Variants in PPARGC1A observed in about 807,000 individuals in gnomAD.
PPARGC1A encodes the protein peroxisome proliferator-activated receptor gamma coactivator 1-alpha.
PPARGC1A carries 25 observed loss-of-function variants against 88.7 expected under a neutral mutation model. The ratio of observed to expected loss-of-function variants is 0.28; its 90% confidence interval spans 0.21 to 0.39. PPARGC1A has a LOEUF of 0.39. Ranked by LOEUF, PPARGC1A falls within the 10% of genes least tolerant of loss-of-function variation. PPARGC1A has a pLI of 1.00. For synonymous variants in PPARGC1A, 363 were observed against 355.6 expected, an observed-to-expected ratio of 1.02 and a Z score of -0.24; for missense variants, 880 against 968.7, an observed-to-expected ratio of 0.91 and a Z score of 1.22.
At chr4:23,965,173 A>G in the PPARGC1A span, among the ~76,000 whole-genome samples, 1 of 152,280 alleles carries the variant, frequency 6.6e-6, no homozygotes, top group Middle Eastern at 3.4e-3. Context: ...GTTCTTCTGT[A>G]TACTCCAGTT....
the PPARGC1A span, among the ~76,000 whole-genome samples, chr4:24,021,522 G>T: frequency 2.0e-5 from 3 of 149,566 alleles, no homozygotes; most frequent in Admixed American, 1.3e-4. Flanking sequence ...GTGGGGTAGG[G>T]AGGGTGAGAA....
At chr4:24,061,137 G>T in the PPARGC1A span, among the ~76,000 whole-genome samples, 1 of 152,112 alleles carries the variant, frequency 6.6e-6, no homozygotes, top group South Asian at 2.1e-4. Flanking sequence ...GGTCAATCTA[G>T]AGCCACCTCC....
the PPARGC1A span, among the ~76,000 whole-genome samples, chr4:24,380,812 G>A: frequency 6.6e-6 from 1 of 152,038 alleles, no homozygotes; most frequent in African/African-American, 2.4e-5. Flanking sequence ...ACTGGACAGT[G>A]GTGTCGTTAC....
chr4:24,326,751 G>T, the PPARGC1A span, among the ~76,000 whole-genome samples: 1 of 152,172 alleles, frequency 6.6e-6, no homozygotes, highest in African/African-American at 2.4e-5. Flanking sequence ...GGCATGTTTA[G>T]TGCGGTCAGA....
the PPARGC1A span, among the ~76,000 whole-genome samples, chr4:24,406,917 C>T: frequency 1.3e-5 from 2 of 152,206 alleles, no homozygotes; most frequent in Non-Finnish European, 2.9e-5. Flanking sequence ...GGGAATTGTT[C>T]CTGCTACCAG....
the PPARGC1A span, among the ~76,000 whole-genome samples, chr4:24,351,826 T>G: frequency 5.3e-5 from 8 of 151,092 alleles, no homozygotes; most frequent in Admixed American, 4.0e-4. Flanking sequence ...TGTTTTTTTG[T>G]TTTTTTTTAA....
the PPARGC1A span, among the ~76,000 whole-genome samples, chr4:24,389,120 T>C: frequency 6.6e-6 from 1 of 152,148 alleles, no homozygotes; most frequent in East Asian, 1.9e-4. Context: ...CAGTAGTAAA[T>C]AAAATAAAAT....
At chr4:24,063,311 G>A in the PPARGC1A span, among the ~76,000 whole-genome samples, 1 of 152,194 alleles carries the variant, frequency 6.6e-6, no homozygotes, top group South Asian at 2.1e-4. Context: ...ATAAAAGTCA[G>A]AGGGAGAAGA....
the PPARGC1A span, among the ~76,000 whole-genome samples, chr4:23,987,543 G>A: frequency 6.6e-6 from 1 of 151,866 alleles, no homozygotes; most frequent in African/African-American, 2.4e-5. Flanking sequence ...ATTGCCTTAG[G>A]GGTCTGTGTC....
chr4:24,052,994 GCT>G, the PPARGC1A span, among the ~76,000 whole-genome samples: 1 of 148,774 alleles, frequency 6.7e-6, no homozygotes, highest in Admixed American at 6.8e-5. Context: ...CTCCGGAGTA[GCT>G]GGGACTACAG....
At chr4:24,141,537 C>A in the PPARGC1A span, among the ~76,000 whole-genome samples, 2 of 152,204 alleles carry the variant, frequency 1.3e-5, no homozygotes, top group African/African-American at 4.8e-5. Context: ...GAGAACATGC[C>A]ATTCAAGGAA....
chr4:23,984,774 T>C, the PPARGC1A span, among the ~76,000 whole-genome samples: 1 of 152,074 alleles, frequency 6.6e-6, no homozygotes. Context: ...GGAACTGAAG[T>C]GCAGAGAGTA....
the PPARGC1A span, among the ~76,000 whole-genome samples, chr4:23,919,881 C>T: frequency 1.3e-5 from 2 of 152,166 alleles, no homozygotes; most frequent in Admixed American, 1.3e-4. Context: ...AAGAATCAAG[C>T]CAGTGCAGTA....
the PPARGC1A span, among the ~76,000 whole-genome samples, chr4:23,915,088 G>A: frequency 3.4e-3 from 520 of 152,206 alleles, 4 homozygotes; most frequent in Non-Finnish European, 6.0e-3. Context: ...CCTTCGAGCT[G>A]GAGGAAAATA....
the PPARGC1A span, among the ~76,000 whole-genome samples, chr4:24,287,532 A>T: frequency 1.4e-4 from 21 of 151,974 alleles, no homozygotes; most frequent in Admixed American, 1.4e-3. Flanking sequence ...GAGAAAAAAA[A>T]ATCAAGCAAA....
intron 2 of PPARGC1A, among the ~76,000 whole-genome samples, chr4:23,855,319 G>C (rs1730002917): frequency 6.6e-6 from 1 of 152,088 alleles, no homozygotes; most frequent in Non-Finnish European, 1.5e-5. Context: ...TGTCTTATTT[G>C]AATCTGGCTT....
chr4:24,175,411 G>C, the PPARGC1A span, among the ~76,000 whole-genome samples: 5 of 62,648 alleles, frequency 8.0e-5, no homozygotes, highest in Non-Finnish European at 1.2e-4. Flanking sequence ...TTTCACTTTT[G>C]TCACCCAGGC....
At chr4:24,260,977 G>A in the PPARGC1A span, among the ~76,000 whole-genome samples, 1 of 152,078 alleles carries the variant, frequency 6.6e-6, no homozygotes, top group African/African-American at 2.4e-5. Context: ...AGTTACTTGT[G>A]TGCACATGGG....
At chr4:24,029,156 C>T in the PPARGC1A span, among the ~76,000 whole-genome samples, 1 of 152,116 alleles carries the variant, frequency 6.6e-6, no homozygotes, top group South Asian at 2.1e-4. Flanking sequence ...AATTCAAGGA[C>T]ATAGGATGCT....
Sources: gnomAD v4.1 joint callset for allele counts (sites outside exome capture counted in the v4.1 genomes callset) on GRCh38, gnomAD v4.1.1 for gene constraint, MANE v1.5 for transcripts, NCBI Gene and HGNC (gene_info 2026-07-23, HGNC 2026-07-21) for gene names.